Variants in DDX10 observed in about 807,000 individuals in gnomAD.
DDX10 encodes the protein DEAD-box helicase 10.
In DDX10, 74 loss-of-function variants were observed where a neutral mutation model predicts 104.3. That is an observed-to-expected ratio of 0.71 (90% CI 0.59 to 0.86). The LOEUF is 0.86. DDX10 is among the 40% of genes least tolerant of loss of function. The pLI is 0.00. For synonymous variants in DDX10, 351 were observed against 353.4 expected (o/e 0.99, Z 0.08); for missense variants, 952 against 1,040.0 (o/e 0.92, Z 1.16).
chr11:108,810,977 T>TAGGAAAA (rs1862172041), intron 13 of DDX10, among the ~76,000 whole-genome samples: 2 of 152,180 alleles, frequency 1.3e-5, no homozygotes, highest in African/African-American at 4.8e-5. Flanking sequence ...TAAACATTCT[T>TAGGAAAA]ATCATTTTTC....
chr11:108,832,153 G>A (rs751378596), intron 13 of DDX10, among the ~76,000 whole-genome samples: 2 of 151,782 alleles, frequency 1.3e-5, no homozygotes, highest in Non-Finnish European at 2.9e-5. Flanking sequence ...TATATTTTTT[G>A]TTAATGAATT....
intron 13 of DDX10, among the ~76,000 whole-genome samples, chr11:108,798,090 G>A (rs1197267434): frequency 3.3e-5 from 5 of 151,928 alleles, no homozygotes; most frequent in South Asian, 2.1e-4. Flanking sequence ...CATATATTGC[G>A]TACACAGTAA....
chr11:108,784,122 A>G (rs1428925767), intron 13 of DDX10, among the ~76,000 whole-genome samples: 4 of 152,200 alleles, frequency 2.6e-5, no homozygotes, highest in African/African-American at 7.2e-5. Context: ...ATACAAGTAC[A>G]TATATGTTTT....
intron 16 of DDX10, among the ~76,000 whole-genome samples, chr11:108,872,705 G>A (rs1863098186): frequency 6.6e-6 from 1 of 152,128 alleles, no homozygotes; most frequent in African/African-American, 2.4e-5. Context: ...GGCACCCAGT[G>A]GGATGTGTGT....
At chr11:108,746,741 G>T (rs1158889558) in intron 13 of DDX10, among the ~76,000 whole-genome samples, 1 of 151,990 alleles carries the variant, frequency 6.6e-6, no homozygotes, top group Admixed American at 6.6e-5. Context: ...TTTGATTACA[G>T]CCATCTCACT....
chr11:108,732,419 A>C (rs562369163), intron 13 of DDX10, among the ~76,000 whole-genome samples: 29 of 152,286 alleles, frequency 1.9e-4, no homozygotes, highest in African/African-American at 6.7e-4. Context: ...GGGTAATGTC[A>C]GTGTAATTGA....
At chr11:108,710,608 T>C (rs559152558) in intron 10 of DDX10, among the ~76,000 whole-genome samples, 1 of 152,268 alleles carries the variant, frequency 6.6e-6, no homozygotes, top group South Asian at 2.1e-4. Context: ...CTTTAGTACT[T>C]CCTGAGGGAC....
chr11:108,824,217 G>A (rs1591827951), intron 13 of DDX10, among the ~76,000 whole-genome samples: 1 of 152,100 alleles, frequency 6.6e-6, no homozygotes, highest in Non-Finnish European at 1.5e-5. Flanking sequence ...TAATTTTTGT[G>A]TCTTTAGTAG....
intron 1 of DDX10, among the ~76,000 whole-genome samples, chr11:108,667,738 C>T (rs1346605709): frequency 6.6e-6 from 1 of 152,208 alleles, no homozygotes; most frequent in Non-Finnish European, 1.5e-5. Flanking sequence ...GTGCAGTGAG[C>T]ATACCCATCT....
intron 16 of DDX10, among the ~76,000 whole-genome samples, chr11:108,905,551 T>C (rs1863585292): frequency 6.6e-6 from 1 of 152,168 alleles, no homozygotes; most frequent in Non-Finnish European, 1.5e-5. Flanking sequence ...TAATCAAAGA[T>C]GCAGTGTAGT....
intron 15 of DDX10, among the ~76,000 whole-genome samples, chr11:108,850,805 G>A (rs151177707): frequency 1.3e-5 from 2 of 152,102 alleles, no homozygotes; most frequent in East Asian, 1.9e-4. Flanking sequence ...TGAGGACTTC[G>A]GCTCCCCAGG....
At position 108,691,173 on chromosome 11, in the gene DDX10, T is replaced by C. The variant is rs557452678; in HGVS notation, c.976-703T>C. 2.6e-5 allele frequency among the ~76,000 whole-genome samples: 4 copies of C among 152,342 alleles called. No homozygotes were observed. In the South Asian group the frequency reaches 8.3e-4, roughly 32 times the overall value. On this transcript the variant is annotated intron_variant, in intron 7 of 17. Transcript: ENST00000322536. ...CAGCAAAATTGAAGAGAGACTTTAATGGGGTCTTTCTCTTTAATTGAGCGA... is the reference window on the plus strand; with the variant it reads ...CAGCAAAATTGAAGAGAGACTTTAACGGGGTCTTTCTCTTTAATTGAGCGA...
chr11:108,908,647 T>C (rs1863628578), intron 16 of DDX10, among the ~76,000 whole-genome samples: 2 of 152,220 alleles, frequency 1.3e-5, no homozygotes, highest in South Asian at 2.1e-4. Flanking sequence ...AAATTTGTTT[T>C]AAAAATCAGG....
chr11:108,858,275 T>A (rs1230096282), intron 16 of DDX10, among the ~76,000 whole-genome samples: 4 of 152,184 alleles, frequency 2.6e-5, no homozygotes, highest in African/African-American at 9.7e-5. Context: ...CCGGACTTCG[T>A]GTACATTATT....
intron 16 of DDX10, among the ~76,000 whole-genome samples, chr11:108,885,891 C>T (rs1275827594): frequency 6.6e-6 from 1 of 152,094 alleles, no homozygotes; most frequent in Non-Finnish European, 1.5e-5. Flanking sequence ...AGCTAAGTCA[C>T]TTTGAGGTAG....
intron 13 of DDX10, among the ~76,000 whole-genome samples, chr11:108,819,189 A>G (rs950617036): frequency 2.0e-5 from 3 of 152,116 alleles, no homozygotes; most frequent in African/African-American, 7.2e-5. Context: ...TGTTATATAC[A>G]TGCTATCTTT....
chr11:108,730,849 G>GTTTTTTTTT (rs66875438), intron 13 of DDX10, among the ~76,000 whole-genome samples: 1 of 148,714 alleles, frequency 6.7e-6, no homozygotes, highest in Non-Finnish European at 1.5e-5. Context: ...GTACCTGCAT[G>GTTTTTTTTT]TTTTTTTTTT....
In DDX10 at chr11:108,841,452, G is replaced by GA. The variant is rs1324969964; in HGVS notation, c.2230dup (p.Ile744AsnfsTer2). ...ACAAATTTGACAAAGAAGAATATAG[G>GA]AAAAAAATTAAGGCAAAGCATCGGG... On this transcript the variant is annotated frameshift_variant, in exon 15 of 18. Coordinates refer to ENST00000322536, the MANE Select transcript of DDX10 (RefSeq NM_004398.4). LOFTEE classifies it high-confidence loss of function. 2 of 1,613,256 alleles carry GA rather than the reference G, an allele frequency of 1.2e-6. No homozygotes were observed. Among genetic ancestry groups the GA allele is most frequent in the African/African-American group, 2.7e-5 (2 of 74,846 alleles).
chr11:108,859,871 T>C (rs1591099163), intron 16 of DDX10, among the ~76,000 whole-genome samples: 2 of 152,378 alleles, frequency 1.3e-5, no homozygotes, highest in East Asian at 1.9e-4. Flanking sequence ...TATTTTTGTA[T>C]GTATTAGCAT....
Sources: allele counts gnomAD v4.1 joint callset (sites outside exome capture counted in the v4.1 genomes callset), GRCh38; gene constraint gnomAD v4.1.1; transcripts MANE v1.5; gene names NCBI Gene and HGNC (gene_info 2026-07-23, HGNC 2026-07-21).